The following ZNF776 variants were observed in gnomAD, a reference collection of about 807,000 sequenced individuals.
The protein encoded by ZNF776 is zinc finger protein 776.
A neutral mutation model predicts 7.0 loss-of-function variants in ZNF776; 4 were observed. The ratio of observed to expected loss-of-function variants is 0.57; its 90% CI spans 0.28 to 1.31. The LOEUF (loss-of-function observed/expected upper bound fraction) is 1.31, where lower values mean the gene tolerates loss of function less well. ZNF776 is among the 50% of genes most tolerant of loss of function. The pLI is 0.10. For missense variants in ZNF776, 555 were observed against 625.9 expected (o/e 0.89, Z 1.21); for synonymous variants, 212 against 213.7 (o/e 0.99, Z 0.07).
Position 57,754,559 on chromosome 19 carries a change from C to T in ZNF776, c.1429C>T (p.Arg477Ter), listed in dbSNP as rs567895507. Residue 477 changes from arginine (R) to a stop codon, truncating the protein, a stop_gained, in exon 3 of 3, where the codon CGA becomes TGA. Transcript: ENST00000317178. LOFTEE classifies it low-confidence loss of function (END_TRUNC). ...TTTTCATCAAAAGGGCAGTCTCATT[C>T]GACATCAGCAGATTCACTCTGGAGA... ...KCFHQKGSLI[R>*]HQQIHSGERP... 1.1e-4 allele frequency: 183 copies of T among 1,613,318 alleles called. 1 individual carries two copies. In the South Asian group the frequency reaches 1.4e-3, roughly 12 times the overall value.
chr19:57,749,672 T>C (rs1252558493), intron 1 of ZNF776, among the ~76,000 whole-genome samples: 9 of 152,158 alleles, frequency 5.9e-5, no homozygotes, highest in Admixed American at 6.5e-5. Flanking sequence ...GGCCTAATAA[T>C]CCTTTTATTA....
In ZNF776 at chr19:57,753,275, AT is replaced by A. The variant is rs1368240216; in HGVS notation, c.161-12del. Reference sequence around the variant, plus strand: ...CGGAAGTACCTTGCATTTTACCAGCATTTTATTTCTTTTAGGTTGTTGGTAT... The same window carrying A: ...CGGAAGTACCTTGCATTTTACCAGCATTTATTTCTTTTAGGTTGTTGGTAT... On this transcript the variant is annotated splice_polypyrimidine_tract_variant and intron_variant, in intron 2 of 2. Transcript: ENST00000317178. The A allele has an allele frequency of 3.1e-6, 5 of 1,597,096 alleles. No homozygotes were observed. The East Asian group carries it at 1.1e-4, about 36-fold the overall frequency.
chr19:57,750,650 C>A, intron 1 of ZNF776, 135 bp from the exon 2 acceptor site: 3 of 1,160,894 alleles, frequency 2.6e-6, no homozygotes, highest in Non-Finnish European at 3.5e-6. Context: ...GACCAGTGAG[C>A]CCATGAGAAG....
In ZNF776 at chr19:57,750,926, C is replaced by G; in HGVS notation, c.160+15C>G. 4 of 1,600,896 alleles carry G rather than the reference C, an allele frequency of 2.5e-6. No homozygotes were observed. Among genetic ancestry groups the G allele is most frequent in the Non-Finnish European group, 3.4e-6 (4 of 1,173,120 alleles). On this transcript the variant is annotated intron_variant, in intron 2 of 2. Coordinates refer to ENST00000317178, the MANE Select transcript of ZNF776 (RefSeq NM_173632.4). ...ATCTTCTCTAGGTAAGGCACTCACA[C>G]TCTTCTCTATGACCTCAGCTATTGT...
intron 1 of ZNF776, 27 bp downstream of exon 1, chr19:57,747,118 A>T (rs1213185021): frequency 6.3e-7 from 1 of 1,576,944 alleles, no homozygotes; most frequent in South Asian, 1.2e-5. Flanking sequence ...CCGTGCCCTC[A>T]GGTCACCTCA....
rs142892090 is a variant in ZNF776 at position 57,753,922 on chromosome 19, T to C, written c.792T>C (p.Tyr264=). 1.9e-6 allele frequency: 3 copies of C among 1,614,138 alleles called. No homozygotes were observed. The highest frequency in any genetic ancestry group is 2.5e-6 in the Non-Finnish European group (3 of 1,180,058). Residue 264 remains tyrosine, a synonymous_variant, in exon 3 of 3, where the codon TAT becomes TAC. Transcript: ENST00000317178. The part of the protein sequence containing the change: ...HQGVRTGKRP[Y]QCGQCDESFW... ...GAGTTCGCACTGGAAAAAGACCTTA[T>C]CAGTGTGGACAATGTGATGAATCAT...
At chr19:57,749,827 T>A (rs1986548576) in intron 1 of ZNF776, among the ~76,000 whole-genome samples, 1 of 152,228 alleles carries the variant, frequency 6.6e-6, no homozygotes, top group Admixed American at 6.5e-5. Context: ...AAAGCTTGCA[T>A]ATCATAGTTT....
At chr19:57,751,376 T>C (rs1600067224) in intron 2 of ZNF776, among the ~76,000 whole-genome samples, 1 of 152,290 alleles carries the variant, frequency 6.6e-6, no homozygotes, top group South Asian at 2.1e-4. Flanking sequence ...TTGTTCTGTT[T>C]TGTTTTCAAA....
chr19:57,752,756 G>A (rs1986644077), intron 2 of ZNF776, among the ~76,000 whole-genome samples: 1 of 152,036 alleles, frequency 6.6e-6, no homozygotes, highest in South Asian at 2.1e-4. Context: ...ATCCCACCTG[G>A]ACCCATTTTT....
Position 57,757,195 on chromosome 19 carries a change from G to C in ZNF776, c.*2508G>C, listed in dbSNP as rs900907156. 1.8e-5 allele frequency: 3 copies of C among 162,542 alleles called. No homozygotes were observed. The highest frequency in any genetic ancestry group is 7.2e-5 in the African/African-American group (3 of 41,614). 10.1% of individuals were successfully genotyped at this position (162,542 alleles called of 1,614,324 possible). On this transcript the variant is annotated 3_prime_UTR_variant, in exon 3 of 3. Coordinates refer to ENST00000317178, the MANE Select transcript of ZNF776 (RefSeq NM_173632.4). ...TAGTGAAGCAGACTGCAACAGAATA[G>C]TTGGGATATACTTTTTTTAAAAAGG...
In ZNF776 at chr19:57,754,931, T is replaced by C; in HGVS notation, c.*244T>C. ...GTCACACTGGAGAAAGACCCTATAGTTATGGGGAATTTGGGAAATTACCTA... is the reference window on the plus strand; with the variant it reads ...GTCACACTGGAGAAAGACCCTATAGCTATGGGGAATTTGGGAAATTACCTA... On this transcript the variant is annotated 3_prime_UTR_variant, in exon 3 of 3. Coordinates refer to ENST00000317178, the MANE Select transcript of ZNF776 (RefSeq NM_173632.4). The C allele has an allele frequency of 5.9e-6, 3 of 504,950 alleles. No individual in the cohort carries two copies. The highest frequency in any genetic ancestry group is 7.1e-6 in the Non-Finnish European group (2 of 283,574). The allele number at this position is 504,950 out of a possible 1,614,324, so 31.3% of individuals were successfully genotyped here.
intron 2 of ZNF776, 101 bp downstream of exon 2, chr19:57,751,012 G>T: frequency 1.4e-6 from 2 of 1,384,064 alleles, no homozygotes; most frequent in Non-Finnish European, 1.9e-6. Context: ...AGGAGCCTGG[G>T]CACAGGTTCC....
rs756221170 is a variant in ZNF776, at chr19:57,753,471, A to G, written c.341A>G (p.Asn114Ser). 6.2e-7 allele frequency: 1 copy of G among 1,614,214 alleles called. No individual in the cohort carries two copies. Among genetic ancestry groups the G allele is most frequent in the East Asian group, 2.2e-5 (1 of 44,880 alleles). Residue 114 changes from asparagine (N) to serine (S), a missense_variant, in exon 3 of 3, where the codon AAT becomes AGT. By Grantham distance (46) the Asn-to-Ser change is conservative (BLOSUM62 1). Coordinates refer to ENST00000317178, the MANE Select transcript of ZNF776 (RefSeq NM_173632.4). ...GGAACACAACACAATCAGAAATTGA[A>G]TGGGTTTGGGGCATATGAAAAAAAA... ...HQGTQHNQKL[N>S]GFGAYEKKLD...
rs1198217501 is a variant in ZNF776 at position 57,753,422 on chromosome 19, C to T, written c.292C>T (p.Leu98Phe). Residue 98 changes from leucine to phenylalanine, a missense_variant, in exon 3 of 3, where the codon CTC (leucine) becomes TTC (phenylalanine). By Grantham distance (22) the Leu-to-Phe change is conservative. Coordinates refer to ENST00000317178, the MANE Select transcript of ZNF776 (RefSeq NM_173632.4). ...CCACCTCTGGGGAATGTGTGGCCCT[C>T]TCCTGGGAGATATCTTACACCAGGG... The part of the protein sequence containing the change: ...KVHLWGMCGP[L>F]LGDILHQGTQ... The T allele has an allele frequency of 8.1e-6, 13 of 1,614,200 alleles. No individual in the cohort carries two copies. Among genetic ancestry groups the T allele is most frequent in the Non-Finnish European group, 8.5e-6 (10 of 1,180,048 alleles).
intron 2 of ZNF776, among the ~76,000 whole-genome samples, chr19:57,751,300 A>G (rs922914374): frequency 5.3e-5 from 8 of 152,160 alleles, no homozygotes; most frequent in Non-Finnish European, 4.4e-5. Flanking sequence ...GATGTTCTCA[A>G]TACTTACATG....
rs751761707 is a variant in ZNF776 at position 57,753,783 on chromosome 19, G to A, written c.653G>A (p.Ser218Asn). 10 of 1,614,110 alleles carry A rather than the reference G, an allele frequency of 6.2e-6. No individual in the cohort carries two copies. Reference sequence around the variant, plus strand: ...TGTGGAGAGTCCACAATACCGTTTAGCAACAAACACTCACTTGTCCTTCAC... The same window carrying A: ...TGTGGAGAGTCCACAATACCGTTTAACAACAAACACTCACTTGTCCTTCAC... The part of the protein sequence containing the change: ...YICGESTIPF[S>N]NKHSLVLHQR... The change falls in exon 3 of 3, where the codon AGC (serine) becomes AAC (asparagine). Residue 218 changes from serine (S) to asparagine (N), a missense_variant. Transcript: ENST00000317178.
Position 57,753,709 on chromosome 19 carries a change from T to C in ZNF776, c.579T>C (p.Phe193=). The C allele has an allele frequency of 6.2e-7, 1 of 1,614,210 alleles. No individual in the cohort carries two copies. The highest frequency in any genetic ancestry group is 8.5e-7 in the Non-Finnish European group (1 of 1,180,038). ...EDIHTSGKSN[F]ETKHGIPLQG... ...TTCACACTTCAGGGAAGTCAAACTT[T>C]GAAACTAAGCATGGGATACCCCTTC... Residue 193 remains phenylalanine (F), a synonymous_variant, in exon 3 of 3, where the codon TTT becomes TTC. Transcript: ENST00000317178.
At position 57,753,480 on chromosome 19, in the gene ZNF776, G is replaced by A. The variant is rs80320382; in HGVS notation, c.350G>A (p.Gly117Glu). The part of the protein sequence containing the change: ...TQHNQKLNGF[G>E]AYEKKLDDDA... ...CACAATCAGAAATTGAATGGGTTTG[G>A]GGCATATGAAAAAAAATTGGATGAC... is the stretch of plus-strand genomic sequence containing the variant. Residue 117 changes from glycine (G) to glutamate (E), a missense_variant, in exon 3 of 3, where the codon GGG becomes GAG. Physicochemically the swap from Gly to Glu is moderately conservative, Grantham distance 98. Coordinates refer to ENST00000317178, the MANE Select transcript of ZNF776 (RefSeq NM_173632.4). The A allele has an allele frequency of 3.1e-5, 50 of 1,614,042 alleles. No homozygotes were observed. Among genetic ancestry groups the A allele is most frequent in the Non-Finnish European group, 4.2e-5 (49 of 1,180,000 alleles).
chr19:57,752,484 A>G (rs947970750), intron 2 of ZNF776, among the ~76,000 whole-genome samples: 1 of 152,296 alleles, frequency 6.6e-6, no homozygotes, highest in Admixed American at 6.5e-5. Context: ...GTGATCCAGA[A>G]GTTGCAGCTA....
Sources: allele counts gnomAD v4.1 joint callset (sites outside exome capture counted in the v4.1 genomes callset), GRCh38; gene constraint gnomAD v4.1.1; transcripts MANE v1.5; gene names NCBI Gene and HGNC (gene_info 2026-07-23, HGNC 2026-07-21).